Variants in OSBPL3 observed in about 807,000 individuals in gnomAD.
OSBPL3 encodes the protein oxysterol binding protein like 3.
A neutral mutation model predicts 120.1 loss-of-function variants in OSBPL3; 65 were observed. The observed-to-expected ratio is 0.54, with a 90% CI of 0.44 to 0.67. OSBPL3 has a LOEUF of 0.67. OSBPL3 is among the 30% of genes least tolerant of loss of function. The pLI is 0.00. For synonymous variants in OSBPL3, 416 were observed against 402.6 expected, an observed-to-expected ratio of 1.03 and a Z score of -0.40; for missense variants, 1,004 against 1,082.1, an observed-to-expected ratio of 0.93 and a Z score of 1.01.
At chr7:24,948,616 T>A (rs755827878) in intron 1 of OSBPL3, among the ~76,000 whole-genome samples, 20 of 152,242 alleles carry the variant, frequency 1.3e-4, no homozygotes, top group Non-Finnish European at 2.6e-4. Context: ...CTCCATCTTT[T>A]CTTTGAGTAA....
intron 1 of OSBPL3, among the ~76,000 whole-genome samples, chr7:24,962,584 A>C (rs1474533114): frequency 6.6e-6 from 1 of 152,184 alleles, no homozygotes; most frequent in Non-Finnish European, 1.5e-5. Flanking sequence ...GGTGGGAACA[A>C]CCAGAGCCAA....
intron 1 of OSBPL3, among the ~76,000 whole-genome samples, chr7:24,909,686 C>A (rs1238620621): frequency 1.3e-5 from 2 of 151,838 alleles, no homozygotes; most frequent in Non-Finnish European, 2.9e-5. Flanking sequence ...CACCTCTGTC[C>A]TGGCCAGCTT....
At chr7:24,927,228 T>C (rs1335906573) in intron 1 of OSBPL3, among the ~76,000 whole-genome samples, 4 of 152,134 alleles carry the variant, frequency 2.6e-5, no homozygotes, top group East Asian at 3.9e-4. Flanking sequence ...AGCAGGGGAA[T>C]TGACAAAAAC....
rs1481361307 is a variant in OSBPL3, at chr7:24,967,303, CCATGAATTCTTACCCTA to C, written c.-150+12566_-150+12582del. On this transcript the variant is annotated intron_variant, in intron 1 of 22. Transcript: ENST00000313367. This position sits in a 1 kb window ranked among gnomAD's most constrained non-coding sequence, Gnocchi z 5.6. ...GTAGCCATGCACCACCCTTGGGTTCCCATGAATTCTTACCCTACAGCTGCAAGGGATAACACTGTTTT... is the reference window on the plus strand; with the variant it reads ...GTAGCCATGCACCACCCTTGGGTTCCCAGCTGCAAGGGATAACACTGTTTT... Among the ~76,000 whole-genome samples the C allele has an allele frequency of 1.3e-5, 2 of 152,154 alleles. No homozygotes were observed. The highest frequency in any genetic ancestry group is 2.4e-5 in the African/African-American group (1 of 41,434).
At chr7:24,800,403 T>C in intron 22 of OSBPL3, 124 bp from the exon 23 acceptor site, 1 of 562,842 alleles carries the variant, frequency 1.8e-6, no homozygotes, top group South Asian at 2.3e-5. Context: ...CGTCCCAGAG[T>C]GTTGGGACCG....
At chr7:24,885,227 CAAA>C (rs59823834) in intron 2 of OSBPL3, among the ~76,000 whole-genome samples, 4,716 of 112,208 alleles carry the variant, frequency 0.042, 126 homozygotes, top group African/African-American at 0.079. Flanking sequence ...GTCTCAAAAA[CAAA>C]AAAAAAAAAA....
chr7:24,909,379 T>G (rs1808436453), intron 1 of OSBPL3, among the ~76,000 whole-genome samples: 1 of 152,184 alleles, frequency 6.6e-6, no homozygotes, highest in African/African-American at 2.4e-5. Context: ...TAAAAAGAGA[T>G]ACACATGTTC....
chr7:24,834,456 G>A lies in OSBPL3; in HGVS notation c.1746+30C>T. On this transcript the variant is annotated intron_variant, in intron 15 of 22. Coordinates refer to ENST00000313367, the MANE Select transcript of OSBPL3 (RefSeq NM_015550.4). This position sits in a 1 kb window ranked among gnomAD's most constrained non-coding sequence, Gnocchi z 5.2. ...CCTCGTGGCTTGGGGACCGAGGCTG[G>A]ACAGTGGCAAGGGAAGGCTGACTCC... is the stretch of plus-strand genomic sequence containing the variant. 1 of 1,594,728 alleles carries A rather than the reference G, an allele frequency of 6.3e-7. No individual in the cohort carries two copies. The highest frequency in any genetic ancestry group is 8.6e-7 in the Non-Finnish European group (1 of 1,169,354).
rs764014626 is a variant in OSBPL3 at position 24,849,643 on chromosome 7, T to G, written c.1159-467A>C. ...CAATGTTACTTAATTATCATACCCATTGAATCAGATTTTAGAAAGTGTGCT... is the reference window on the plus strand; with the variant it reads ...CAATGTTACTTAATTATCATACCCAGTGAATCAGATTTTAGAAAGTGTGCT... On this transcript the variant is annotated intron_variant, in intron 11 of 22. Coordinates refer to ENST00000313367, the MANE Select transcript of OSBPL3 (RefSeq NM_015550.4). This position sits in a 1 kb window ranked among gnomAD's most constrained non-coding sequence, Gnocchi z 5.4. 6.6e-6 allele frequency among the ~76,000 whole-genome samples: 1 copy of G among 152,168 alleles called. No homozygotes were observed. Among genetic ancestry groups the G allele is most frequent in the Non-Finnish European group, 1.5e-5 (1 of 68,032 alleles).
rs780374997 is a variant in OSBPL3, at chr7:24,852,529, A to G, written c.1133T>C (p.Ile378Thr). 2 of 1,598,374 alleles carry G rather than the reference A, an allele frequency of 1.3e-6. No individual in the cohort carries two copies. The highest frequency in any genetic ancestry group is 1.7e-6 in the Non-Finnish European group (2 of 1,176,292). The change falls in exon 11 of 23, where the codon ATT becomes ACT. Residue 378 changes from isoleucine (I) to threonine (T), a missense_variant. Transcript: ENST00000313367. This position sits in a 1 kb window ranked among gnomAD's most constrained non-coding sequence, Gnocchi z 4.1. ...GGATGACAGGGCGTTCTTCAGACCA[A>G]TGACCTGAGCAGACGGGGAGGAGGA... is the stretch of plus-strand genomic sequence containing the variant. ...DASSSPSAQV[I>T]GLKNALSSAL... is the part of the protein sequence containing the mutation.
intron 1 of OSBPL3, among the ~76,000 whole-genome samples, chr7:24,911,814 C>T (rs1808864953): frequency 6.6e-6 from 1 of 152,116 alleles, no homozygotes; most frequent in African/African-American, 2.4e-5. Context: ...AAAACTTAAC[C>T]TGAGACACTT....
chr7:24,935,252 T>A (rs1217201393), intron 1 of OSBPL3, among the ~76,000 whole-genome samples: 1 of 152,108 alleles, frequency 6.6e-6, no homozygotes, highest in Non-Finnish European at 1.5e-5. Context: ...CACCCACCAA[T>A]GGTAACATCT....
At chr7:24,860,718 G>A (rs940522788) in intron 10 of OSBPL3, among the ~76,000 whole-genome samples, 5 of 152,154 alleles carry the variant, frequency 3.3e-5, no homozygotes, top group Admixed American at 6.5e-5. Context: ...TCAGCATAAC[G>A]TCCCTGAGAT....
intron 19 of OSBPL3, chr7:24,810,267 G>A (rs1041650454): frequency 1.4e-5 from 3 of 207,544 alleles, no homozygotes; most frequent in African/African-American, 2.4e-5. Flanking sequence ...GCTCACGCCT[G>A]TAATCCCAGC....
chr7:24,910,557 C>T (rs1808671119), intron 1 of OSBPL3, among the ~76,000 whole-genome samples: 1 of 152,198 alleles, frequency 6.6e-6, no homozygotes, highest in Non-Finnish European at 1.5e-5. Context: ...AAAGTAACTA[C>T]TATGTGTCCA....
chr7:24,945,780 C>G (rs1470330174), intron 1 of OSBPL3, among the ~76,000 whole-genome samples: 2 of 152,112 alleles, frequency 1.3e-5, no homozygotes, highest in African/African-American at 4.8e-5. Flanking sequence ...ATAAGAGGTT[C>G]GAATTATGTT....
rs931280087 is a variant in OSBPL3, at chr7:24,822,221, A to T, written c.1885-1983T>A. Among the ~76,000 whole-genome samples, 6 of 152,194 alleles carry T rather than the reference A, an allele frequency of 3.9e-5. No homozygotes were observed. The highest frequency in any genetic ancestry group is 1.2e-4 in the African/African-American group (5 of 41,446). ...CACTTGGAGATACCTTATATTAAAA[A>T]ATGCTACATTCTTCTCCTTTTCTTC... On this transcript the variant is annotated intron_variant, in intron 16 of 22. Coordinates refer to ENST00000313367, the MANE Select transcript of OSBPL3 (RefSeq NM_015550.4). The surrounding 1 kb of genome is among the most constrained non-coding windows in gnomAD (Gnocchi z 5.8).
At position 24,871,910 on chromosome 7, in the gene OSBPL3, G is replaced by A. The variant is rs908632511; in HGVS notation, c.213+43C>T. 1 of 1,464,266 alleles carries A rather than the reference G, an allele frequency of 6.8e-7. No homozygotes were observed. Among genetic ancestry groups the A allele is most frequent in the African/African-American group, 1.4e-5 (1 of 72,138 alleles). 90.7% of individuals were successfully genotyped at this position (1,464,266 alleles called of 1,614,324 possible). On this transcript the variant is annotated intron_variant, in intron 3 of 22. Coordinates refer to ENST00000313367, the MANE Select transcript of OSBPL3 (RefSeq NM_015550.4). The surrounding 1 kb of genome is among the most constrained non-coding windows in gnomAD (Gnocchi z 4.8). Reference sequence around the variant, plus strand: ...ACCTAAGAACCAGGTGCTGAGTGGGGCAGTGTGAGTGCAAATAAAGGGGAG... The same window carrying A: ...ACCTAAGAACCAGGTGCTGAGTGGGACAGTGTGAGTGCAAATAAAGGGGAG...
intron 14 of OSBPL3, among the ~76,000 whole-genome samples, chr7:24,836,083 AT>A (rs1217085458): frequency 3.9e-5 from 6 of 152,070 alleles, no homozygotes; most frequent in Middle Eastern, 3.2e-3. Context: ...TTAATAAATC[AT>A]TTTTAAAGAC....
Sources: allele counts gnomAD v4.1 joint callset (sites outside exome capture counted in the v4.1 genomes callset), GRCh38; gene constraint gnomAD v4.1.1; non-coding constraint Gnocchi (gnomAD v3.1); transcripts MANE v1.5; gene names NCBI Gene and HGNC (gene_info 2026-07-23, HGNC 2026-07-21).